Variants in HK2 observed in about 807,000 individuals in gnomAD.
HK2 encodes hexokinase-2.
A neutral mutation model predicts 92.9 loss-of-function variants in HK2; 42 were observed. The observed-to-expected ratio is 0.45, with a 90% CI of 0.35 to 0.58. The LOEUF is 0.58. Ranked by LOEUF, HK2 falls within the 20% of genes least tolerant of loss-of-function variation. The pLI, the probability that HK2 is intolerant of heterozygous loss-of-function variation, is 0.00. For synonymous variants in HK2, 422 were observed against 468.0 expected (o/e 0.90, Z 1.27); for missense variants, 978 against 1,245.1 (o/e 0.79, Z 3.23).
At position 74,880,289 on chromosome 2, in the gene HK2, C is replaced by T. The variant is rs143068594; in HGVS notation, c.1290C>T (p.Thr430=). 364 of 1,614,148 alleles carry T rather than the reference C, an allele frequency of 2.3e-4. No homozygotes were observed. In the East Asian group the frequency reaches 7.3e-3, roughly 32 times the overall value. ...GTTTTGCCAAGCGTCTACATAAGAC[C>T]GTGCGGCGGCTGGTGCCCGGCTGCG... ...HPHFAKRLHK[T]VRRLVPGCDV... is the part of the protein sequence containing the mutation. The change falls in exon 10 of 18, where the codon ACC becomes ACT. Residue 430 remains threonine, a synonymous_variant. Coordinates refer to ENST00000290573, the MANE Select transcript of HK2 (RefSeq NM_000189.5).
chr2:74,840,818 G>T (rs1688293897), intron 1 of HK2, among the ~76,000 whole-genome samples: 1 of 142,526 alleles, frequency 7.0e-6, no homozygotes, highest in South Asian at 2.3e-4. Flanking sequence ...GGTGGAGCTT[G>T]CAGTGAGCTG....
chr2:74,888,156 CAA>C (rs1284109193), intron 16 of HK2, 98 bp downstream of exon 16: 25 of 1,337,542 alleles, frequency 1.9e-5, no homozygotes, highest in Non-Finnish European at 2.5e-5. Flanking sequence ...ATGACTCATA[CAA>C]AAGTCAGTTT....
chr2:74,862,575 A>G (rs1278562015), intron 2 of HK2, among the ~76,000 whole-genome samples: 2 of 152,116 alleles, frequency 1.3e-5, no homozygotes, highest in African/African-American at 4.8e-5. Flanking sequence ...AAGCTGGTTA[A>G]ACCTGAAGGA....
intron 3 of HK2, among the ~76,000 whole-genome samples, chr2:74,870,170 G>T (rs1191197192): frequency 6.6e-6 from 1 of 151,746 alleles, no homozygotes. Flanking sequence ...CACCAGGCCC[G>T]GCTAATTTTT....
chr2:74,853,658 A>G (rs1262441515), intron 1 of HK2, among the ~76,000 whole-genome samples: 1 of 151,780 alleles, frequency 6.6e-6, no homozygotes, highest in East Asian at 1.9e-4. Context: ...AGATCTCATC[A>G]CTGCACTCCA....
At position 74,854,473 on chromosome 2, in the gene HK2, T is replaced by C; in HGVS notation, c.226+18T>C. ...TGGGACAGGTACTGCATCTGGGGGA[T>C]GGCTCTAGCTGCTGCGTTACTCAGG... On this transcript the variant is annotated intron_variant, in intron 2 of 17. Transcript: ENST00000290573. 6.2e-7 allele frequency: 1 copy of C among 1,613,818 alleles called. No individual in the cohort carries two copies.
chr2:74,878,441 G>GCA (rs1558801886), intron 8 of HK2, among the ~76,000 whole-genome samples: 16 of 150,630 alleles, frequency 1.1e-4, no homozygotes, highest in African/African-American at 3.7e-4. Flanking sequence ...GTGTGTGTGC[G>GCA]CACGCACATG....
intron 1 of HK2, among the ~76,000 whole-genome samples, chr2:74,853,282 C>T (rs1041427448): frequency 2.0e-5 from 3 of 151,840 alleles, no homozygotes; most frequent in Non-Finnish European, 4.4e-5. Flanking sequence ...TTTGGGAGGC[C>T]GAGGCAGGTG....
intron 12 of HK2, among the ~76,000 whole-genome samples, chr2:74,884,041 C>G (rs3771753): frequency 0.65 from 99,379 of 152,118 alleles, 32,773 homozygotes; most frequent in Middle Eastern, 0.77. Context: ...CAGTGTATAT[C>G]CTTCTTCTAG....
chr2:74,870,001 CTTTTTT>C (rs66946936), intron 3 of HK2, among the ~76,000 whole-genome samples: 24 of 121,480 alleles, frequency 2.0e-4, no homozygotes, highest in African/African-American at 7.7e-4. Flanking sequence ...CTTTTCTTTT[CTTTTTT>C]TTTTTTTTTT....
In HK2 at chr2:74,891,066, G is replaced by A; in HGVS notation, c.*125G>A. 1 of 1,159,322 alleles carries A rather than the reference G, an allele frequency of 8.6e-7. No individual in the cohort carries two copies. The highest frequency in any genetic ancestry group is 1.3e-5 in the South Asian group (1 of 75,496). The allele number at this position is 1,159,322 out of a possible 1,614,324, so 71.8% of individuals were successfully genotyped here. A position where few individuals can be genotyped will look rare whatever the true frequency, so the allele number is the denominator to read the frequency against. ...TTGCTTGGCAGAGAGGACCCCACTG[G>A]ACTGGGTTTTGTCTCTGCATCTCAT... is the stretch of plus-strand genomic sequence containing the variant. On this transcript the variant is annotated 3_prime_UTR_variant, in exon 18 of 18. Transcript: ENST00000290573.
intron 4 of HK2, among the ~76,000 whole-genome samples, 187 bp downstream of exon 4, chr2:74,872,606 GC>G (rs912722316): frequency 1.3e-4 from 19 of 151,830 alleles, no homozygotes; most frequent in Non-Finnish European, 2.5e-4. Flanking sequence ...GGTTGGGAGT[GC>G]CCTTTATCAC....
Position 74,880,533 on chromosome 2 carries a change from C to T in HK2, c.1534C>T (p.Leu512=), listed in dbSNP as rs1455680637. Residue 512 remains leucine, a synonymous_variant, in exon 10 of 18, where the codon CTG becomes TTG. Coordinates refer to ENST00000290573, the MANE Select transcript of HK2 (RefSeq NM_000189.5). ...ETHASAPVKM[L]PTYVCATPDG... Reference sequence around the variant, plus strand: ...TCATGCCAGTGCCCCCGTCAAGATGCTGCCCACCTACGTGTGTGCTACCCC... The same window carrying T: ...TCATGCCAGTGCCCCCGTCAAGATGTTGCCCACCTACGTGTGTGCTACCCC... 7.4e-6 allele frequency: 12 copies of T among 1,614,076 alleles called. No homozygotes were observed. The highest frequency in any genetic ancestry group is 1.7e-5 in the Admixed American group (1 of 59,994).
intron 10 of HK2, among the ~76,000 whole-genome samples, chr2:74,881,102 C>T (rs529423045): frequency 5.6e-4 from 85 of 152,292 alleles, no homozygotes; most frequent in African/African-American, 1.9e-3. Context: ...TGCGTCTGCA[C>T]GTTGCTTATG....
intron 4 of HK2, among the ~76,000 whole-genome samples, chr2:74,872,889 A>G (rs547348428): frequency 1.3e-5 from 2 of 152,368 alleles, no homozygotes; most frequent in South Asian, 4.1e-4. Context: ...CTACACACCT[A>G]GGCTGTATGG....
At chr2:74,855,570 G>A (rs1558792479) in intron 2 of HK2, among the ~76,000 whole-genome samples, 2 of 152,338 alleles carry the variant, frequency 1.3e-5, no homozygotes, top group East Asian at 3.9e-4. Context: ...CCCAGCAAGT[G>A]ATTTAATCAG....
At chr2:74,851,327 G>A (rs1031659881) in intron 1 of HK2, among the ~76,000 whole-genome samples, 8 of 152,222 alleles carry the variant, frequency 5.3e-5, no homozygotes, top group Non-Finnish European at 8.8e-5. Context: ...ATGCTTAGCC[G>A]CTGTAACCAT....
In HK2 at chr2:74,845,802, G is replaced by A. The variant is rs115495143; in HGVS notation, c.64-8491G>A. 6.9e-3 allele frequency among the ~76,000 whole-genome samples: 1,045 copies of A among 152,354 alleles called. 8 individuals are homozygous for A. The highest frequency in any genetic ancestry group is 0.023 in the African/African-American group (959 of 41,580). On this transcript the variant is annotated intron_variant, in intron 1 of 17. Coordinates refer to ENST00000290573, the MANE Select transcript of HK2 (RefSeq NM_000189.5). Reference sequence around the variant, plus strand: ...AGGAGACTTACAGAATCCATGTTCTGCTGTGTGTCTTCCCCCCGGCTCATC... The same window carrying A: ...AGGAGACTTACAGAATCCATGTTCTACTGTGTGTCTTCCCCCCGGCTCATC...
chr2:74,880,438 G>A lies in HK2; in HGVS notation c.1439G>A (p.Ser480Asn), dbSNP rs1689354496. ...RQKTLEHLQL[S>N]HDQLLEVKRR... ...AAGACATTAGAGCATCTGCAGCTGA[G>A]CCATGACCAGCTGCTGGAGGTCAAG... The change falls in exon 10 of 18, where the codon AGC becomes AAC. Residue 480 changes from serine (S) to asparagine (N), a missense_variant. Transcript: ENST00000290573. 6.2e-7 allele frequency: 1 copy of A among 1,614,120 alleles called. No individual in the cohort carries two copies. The highest frequency in any genetic ancestry group is 1.1e-5 in the South Asian group (1 of 91,094).
Sources: gnomAD v4.1 joint callset for allele counts (sites outside exome capture counted in the v4.1 genomes callset) on GRCh38, gnomAD v4.1.1 for gene constraint, MANE v1.5 for transcripts, NCBI Gene and HGNC (gene_info 2026-07-23, HGNC 2026-07-21) for gene names.